WDHD1: variants seen among roughly 807,000 people sequenced by gnomAD.
WDHD1 encodes WD repeat and HMG-box DNA binding protein 1, also known as WD repeat and HMG-box DNA-binding protein 1.
A neutral mutation model predicts 135.4 loss-of-function variants in WDHD1; 111 were observed. The ratio of observed to expected loss-of-function variants is 0.82; its 90% confidence interval spans 0.70 to 0.96. WDHD1 has a LOEUF of 0.96. Ranked by LOEUF, WDHD1 falls within the 40% of genes least tolerant of loss-of-function variation. The pLI, the probability that WDHD1 is intolerant of heterozygous loss-of-function variation, is 0.00. For synonymous variants in WDHD1, 434 were observed against 439.0 expected (o/e 0.99, Z 0.14); for missense variants, 1,351 against 1,336.3 (o/e 1.01, Z -0.17).
chr14:54,957,652 A>AT lies in WDHD1; in HGVS notation c.2702-18_2702-17insA, dbSNP rs1481846437. On this transcript the variant is annotated splice_polypyrimidine_tract_variant and intron_variant, in intron 21 of 25. Transcript: ENST00000360586. ...TAACTGCACCTTTCACAAAAAAGAA[A>AT]CCCTTGCTTAATAATGGTAGAAAAT... 3.1e-6 allele frequency: 5 copies of AT among 1,600,498 alleles called. No individual in the cohort carries two copies. The highest frequency in any genetic ancestry group is 1.4e-5 in the African/African-American group (1 of 74,044).
Position 55,008,644 on chromosome 14 carries a change from A to G in WDHD1, c.417T>C (p.Val139=). ...QKTFRGHDAP[V]LSLSFDPKDI... Reference sequence around the variant, plus strand: ...CCTTAGGATCAAAGGAAAGACTTAAAACAGGGGCATCATGTCCTCGAAATG... The same window carrying G: ...CCTTAGGATCAAAGGAAAGACTTAAGACAGGGGCATCATGTCCTCGAAATG... The change falls in exon 5 of 26, where the codon GTT becomes GTC. Residue 139 remains valine (V), a synonymous_variant. Transcript: ENST00000360586. The G allele has an allele frequency of 4.3e-6, 7 of 1,612,712 alleles. No homozygotes were observed. Among genetic ancestry groups the G allele is most frequent in the Non-Finnish European group, 5.9e-6 (7 of 1,179,702 alleles).
At chr14:54,977,198 G>C (rs4901550) in intron 16 of WDHD1, among the ~76,000 whole-genome samples, 128 of 152,132 alleles carry the variant, frequency 8.4e-4, no homozygotes, top group Non-Finnish European at 1.4e-3. Flanking sequence ...GGGGTGAAGA[G>C]AGACAGCAAA....
chr14:55,023,109 C>T (rs1194886484), intron 2 of WDHD1, among the ~76,000 whole-genome samples: 2 of 152,060 alleles, frequency 1.3e-5, no homozygotes, highest in South Asian at 2.1e-4. Context: ...CCATCACACC[C>T]GGCCATCTTG....
intron 25 of WDHD1, among the ~76,000 whole-genome samples, chr14:54,943,392 T>A (rs548702886): frequency 6.6e-6 from 1 of 152,304 alleles, no homozygotes; most frequent in African/African-American, 2.4e-5. Flanking sequence ...TCATTTTTAC[T>A]TATTAATTTT....
rs1412277769 is a variant in WDHD1, at chr14:54,987,314, C to T, written c.1600G>A (p.Asp534Asn). ...EWIIDLPQNEDIEAICLGQGW... is the reference protein window; with the variant it reads ...EWIIDLPQNENIEAICLGQGW... ...TGACCGAGACATATGGCTTCAATATCCTCATTCTGAGGCAAGTCTATTATC... is the reference window on the plus strand; with the variant it reads ...TGACCGAGACATATGGCTTCAATATTCTCATTCTGAGGCAAGTCTATTATC... Residue 534 changes from aspartate (D) to asparagine (N), a missense_variant, in exon 14 of 26, where the codon GAT (aspartate) becomes AAT (asparagine). Physicochemically the swap from Asp to Asn is conservative, Grantham distance 23. This residue lies in a region of WDHD1 where 1,330 missense variants were observed against 1,296.1 expected (regional missense o/e 1.03). Coordinates refer to ENST00000360586, the MANE Select transcript of WDHD1 (RefSeq NM_007086.4). 6.2e-7 allele frequency: 1 copy of T among 1,614,052 alleles called. No individual in the cohort carries two copies.
chr14:54,957,233 A>T (rs1039967775), intron 22 of WDHD1, 29 bp from the exon 23 acceptor site: 4 of 1,554,980 alleles, frequency 2.6e-6, no homozygotes, highest in Non-Finnish European at 3.5e-6. Context: ...TTAGCACTGT[A>T]TGTTTAAAGA....
intron 12 of WDHD1, among the ~76,000 whole-genome samples, chr14:54,989,753 G>A (rs1336583126): frequency 6.6e-6 from 1 of 151,472 alleles, no homozygotes; most frequent in African/African-American, 2.4e-5. Context: ...TCTGCCTCCT[G>A]GATTCAAGTG....
rs563114397 is a variant in WDHD1 at position 55,011,741 on chromosome 14, A to C, written c.190-1281T>G. ...GAATCTCATTTTTTTTACTTATTGT[A>C]AACTTATTTTCAACTTATTATAAAT... On this transcript the variant is annotated intron_variant, in intron 3 of 25. Coordinates refer to ENST00000360586, the MANE Select transcript of WDHD1 (RefSeq NM_007086.4). Among the ~76,000 whole-genome samples the C allele has an allele frequency of 9.9e-5, 15 of 151,912 alleles. No homozygotes were observed. In the South Asian group the frequency reaches 3.1e-3, roughly 32 times the overall value.
At chr14:54,948,586 C>T (rs964301568) in intron 24 of WDHD1, among the ~76,000 whole-genome samples, 2 of 152,152 alleles carry the variant, frequency 1.3e-5, no homozygotes, top group South Asian at 2.1e-4. Context: ...AGGGCATAGC[C>T]GAACAAAGGC....
At chr14:55,015,357 G>A (rs564360519) in intron 2 of WDHD1, among the ~76,000 whole-genome samples, 1 of 137,124 alleles carries the variant, frequency 7.3e-6, no homozygotes, top group South Asian at 2.4e-4. Context: ...ACTGTAGCCT[G>A]GGAAACAGCA....
intron 14 of WDHD1, among the ~76,000 whole-genome samples, chr14:54,986,420 G>A (rs921110065): frequency 7.2e-5 from 11 of 151,874 alleles, no homozygotes; most frequent in African/African-American, 1.7e-4. Flanking sequence ...CTCCCGCCTC[G>A]GCCTCCCAAA....
intron 21 of WDHD1, among the ~76,000 whole-genome samples, chr14:54,960,170 GTTTA>G: frequency 6.6e-6 from 1 of 152,082 alleles, no homozygotes; most frequent in South Asian, 2.1e-4. Flanking sequence ...TAGTTTGTTT[GTTTA>G]TTTATTTATT....
At chr14:54,992,715 GA>G (rs1419590840) in intron 11 of WDHD1, among the ~76,000 whole-genome samples, 1 of 151,962 alleles carries the variant, frequency 6.6e-6, no homozygotes, top group East Asian at 1.9e-4. Flanking sequence ...AGGATTTCAA[GA>G]CCAGCCTGGG....
chr14:54,967,441 T>G, intron 16 of WDHD1, 47 bp from the exon 17 acceptor site: 1 of 1,416,268 alleles, frequency 7.1e-7, no homozygotes, highest in Non-Finnish European at 9.7e-7. Flanking sequence ...TAACATGTCA[T>G]AAAAACTACA....
rs1595070970 is a variant in WDHD1, at chr14:54,962,817, C to A, written c.2568G>T (p.Arg856Ser). The part of the protein sequence containing the change: ...SNTATEWSQP[R>S]FRNQVEEDAE... ...CATCTTCTTCAACTTGATTTCTGAA[C>A]CTTGGTTGGCTCCACTCTGTAGCAG... Residue 856 changes from arginine (R) to serine (S), a missense_variant, in exon 20 of 26, where the codon AGG becomes AGT. Physicochemically the swap from Arg to Ser is moderately radical, Grantham distance 110. Transcript: ENST00000360586. The A allele has an allele frequency of 5.6e-6, 9 of 1,612,922 alleles. No homozygotes were observed. The highest frequency in any genetic ancestry group is 1.3e-5 in the African/African-American group (1 of 74,882).
intron 12 of WDHD1, among the ~76,000 whole-genome samples, chr14:54,989,946 G>A (rs1479834593): frequency 1.3e-5 from 2 of 152,156 alleles, no homozygotes; most frequent in Non-Finnish European, 2.9e-5. Flanking sequence ...TTATAGGCGT[G>A]AGCCATCACG....
At chr14:54,965,327 AC>A (rs2041323398) in intron 18 of WDHD1, among the ~76,000 whole-genome samples, 1 of 152,152 alleles carries the variant, frequency 6.6e-6, no homozygotes, top group African/African-American at 2.4e-5. Flanking sequence ...ACTTTAAGAC[AC>A]CCTGCTCCAA....
Position 54,939,288 on chromosome 14 carries a change from T to G in WDHD1, c.*2202A>C, listed in dbSNP as rs1378907680. ...TTGTCCAAAGGGACTACCTGGCATC[T>G]GTTCCATGTTAGTGACAGTGACTCA... On this transcript the variant is annotated 3_prime_UTR_variant, in exon 26 of 26. Transcript: ENST00000360586. 1 of 152,214 alleles carries G rather than the reference T, an allele frequency of 6.6e-6. No homozygotes were observed. Among genetic ancestry groups the G allele is most frequent in the Non-Finnish European group, 1.5e-5 (1 of 68,050 alleles). The allele number at this position is 152,214 out of a possible 1,614,324, so 9.4% of individuals were successfully genotyped here.
At chr14:55,004,358 T>C (rs1477999694) in intron 7 of WDHD1, among the ~76,000 whole-genome samples, 1 of 152,268 alleles carries the variant, frequency 6.6e-6, no homozygotes, top group African/African-American at 2.4e-5. Flanking sequence ...CTCATAACTT[T>C]ATGTTTTATT....
Sources: gnomAD v4.1 joint callset for allele counts (sites outside exome capture counted in the v4.1 genomes callset) on GRCh38, gnomAD v4.1.1 for gene constraint, gnomAD v4.1.1 regional missense constraint, MANE v1.5 for transcripts, NCBI Gene and HGNC (gene_info 2026-07-23, HGNC 2026-07-21) for gene names.